Variants in NRXN2 observed in about 807,000 individuals in gnomAD.
NRXN2 encodes neurexin 2, also known as neurexin-2-beta.
NRXN2 carries 29 observed loss-of-function variants against 128.8 expected under a neutral mutation model. That is an observed-to-expected ratio of 0.23 (90% CI 0.17 to 0.31). The LOEUF is 0.31. NRXN2 is among the 10% of genes least tolerant of loss of function. The pLI is 1.00. For synonymous variants in NRXN2, 1,098 were observed against 1,075.2 expected (o/e 1.02, Z -0.41); for missense variants, 1,881 against 2,452.6 (o/e 0.77, Z 4.92).
chr11:64,713,115 C>A lies in NRXN2; in HGVS notation c.585G>T (p.Gln195His). ...GGTCGGCGGTGGCGCCGCGCAGGCC[C>A]TGGCTGCCCAGCAGCGCGGGGGGCC... Reference protein sequence around the residue: ...GERPPALLGSQGLRGATADPL... With the variant: ...GERPPALLGSHGLRGATADPL... The change falls in exon 2 of 23, where the codon CAG becomes CAT. Residue 195 changes from glutamine (Q) to histidine (H), a missense_variant. This residue lies in a region of NRXN2 where 997 missense variants were observed against 1,240.8 expected (regional missense o/e 0.80). Coordinates refer to ENST00000265459, the MANE Select transcript of NRXN2 (RefSeq NM_015080.4). 7.1e-7 allele frequency: 1 copy of A among 1,403,650 alleles called. No individual in the cohort carries two copies. Among genetic ancestry groups the A allele is most frequent in the South Asian group, 1.5e-5 (1 of 66,660 alleles). 86.9% of individuals were successfully genotyped at this position (1,403,650 alleles called of 1,614,324 possible).
In NRXN2 at chr11:64,661,010, G is replaced by A. The variant is rs1407275009; in HGVS notation, c.1928C>T (p.Pro643Leu). 3 of 1,613,568 alleles carry A rather than the reference G, an allele frequency of 1.9e-6. No individual in the cohort carries two copies. The highest frequency in any genetic ancestry group is 3.3e-5 in the Admixed American group (2 of 60,002). Residue 643 changes from proline to leucine, a missense_variant, in exon 10 of 23, where the codon CCA becomes CTA. By Grantham distance (98) the Pro-to-Leu change is moderately conservative. Around this residue, in one of 7 missense-constraint regions of NRXN2, gnomAD observed 997 missense variants for 1,240.8 expected, o/e 0.80. Coordinates refer to ENST00000265459, the MANE Select transcript of NRXN2 (RefSeq NM_015080.4). ...EGGRVDLPLP[P>L]EVWTAALRAG... ...CCGGAGTGCTGCTGTCCACACCTCT[G>A]GGGGCAGGGGCAGGTCCACCCGGCC...
At position 64,606,341 on chromosome 11, in the gene NRXN2, C is replaced by G. The variant is rs1408405929; in HGVS notation, c.*855G>C. The G allele has an allele frequency of 6.6e-6, 1 of 152,578 alleles. No individual in the cohort carries two copies. Among genetic ancestry groups the G allele is most frequent in the Non-Finnish European group, 1.5e-5 (1 of 68,066 alleles). 9.5% of individuals were successfully genotyped at this position (152,578 alleles called of 1,614,324 possible). A position where few individuals can be genotyped will look rare whatever the true frequency, so the allele number is the denominator to read the frequency against. The stretch of plus-strand genomic sequence containing the variant: ...CAGTCTGTGGACAATGCCTTGCTCC[C>G]TCTTCCCTGCTGCCCGCGCCCAGCG... On this transcript the variant is annotated 3_prime_UTR_variant, in exon 23 of 23. Transcript: ENST00000265459.
At position 64,622,196 on chromosome 11, in the gene NRXN2, C is replaced by T. The variant is rs1013098404; in HGVS notation, c.4173+557G>A. Among the ~76,000 whole-genome samples the T allele has an allele frequency of 4.6e-5, 7 of 152,192 alleles. No homozygotes were observed. Among genetic ancestry groups the T allele is most frequent in the Non-Finnish European group, 7.3e-5 (5 of 68,030 alleles). The stretch of plus-strand genomic sequence containing the variant: ...GCTTGTGAAGGCAATGGACTTGCAG[C>T]CAGGGCTTTCCCACTGCAGGGACCC... On this transcript the variant is annotated intron_variant, in intron 21 of 22. Transcript: ENST00000265459. This position sits in a 1 kb window ranked among gnomAD's most constrained non-coding sequence, Gnocchi z 4.3.
intron 5 of NRXN2, chr11:64,688,313 C>CAGAGACGCCA (rs2053349691): frequency 1.0e-6 from 1 of 985,276 alleles, no homozygotes; most frequent in Non-Finnish European, 1.2e-6. Context: ...TGGGTCAGCC[C>CAGAGACGCCA]AGAGACGCCA....
Position 64,648,427 on chromosome 11 carries a change from A to G in NRXN2, c.3284-89T>C, listed in dbSNP as rs191573758. 347 of 1,595,662 alleles carry G rather than the reference A, an allele frequency of 2.2e-4. 2 individuals carry two copies. The African/African-American group carries it at 4.4e-3, about 20-fold the overall frequency. The stretch of plus-strand genomic sequence containing the variant: ...GTGGAAGCTTCAGAGCCAGGCAGAG[A>G]GGTCCTACTCTGAGCTCTGCCTGGC... On this transcript the variant is annotated intron_variant, in intron 16 of 22. Transcript: ENST00000265459. The surrounding 1 kb of genome is among the most constrained non-coding windows in gnomAD (Gnocchi z 4.1).
At chr11:64,628,275 A>G (rs1371896905) in intron 19 of NRXN2, among the ~76,000 whole-genome samples, 1 of 152,198 alleles carries the variant, frequency 6.6e-6, no homozygotes, top group African/African-American at 2.4e-5. Context: ...GACTTGTCCA[A>G]GGTTACACGC....
At chr11:64,612,652 G>A (rs927144543) in intron 22 of NRXN2, among the ~76,000 whole-genome samples, 18 of 152,204 alleles carry the variant, frequency 1.2e-4, no homozygotes, top group Non-Finnish European at 4.4e-5. Context: ...GGGCACAGAA[G>A]GCCCCTGACT....
intron 17 of NRXN2, among the ~76,000 whole-genome samples, chr11:64,642,295 G>C (rs1011332088): frequency 1.3e-5 from 2 of 152,006 alleles, no homozygotes; most frequent in Non-Finnish European, 2.9e-5. Flanking sequence ...TTTAGGTGAG[G>C]CCAGGAAGCA....
At position 64,606,669 on chromosome 11, in the gene NRXN2, C is replaced by T. The variant is rs1323327733; in HGVS notation, c.*527G>A. 7.2e-6 allele frequency: 1 copy of T among 139,810 alleles called. No homozygotes were observed. The highest frequency in any genetic ancestry group is 1.5e-5 in the Non-Finnish European group (1 of 65,982). The allele number at this position is 139,810 out of a possible 1,614,324, so 8.7% of individuals were successfully genotyped here. On this transcript the variant is annotated 3_prime_UTR_variant, in exon 23 of 23. Transcript: ENST00000265459. ...CCTTCTCCCACCGACTCTGGAAACC[C>T]AAAGGGAGGAAAGGAAGGGAGAAAC...
At chr11:64,722,182 G>C (rs2057450436) in intron 1 of NRXN2, among the ~76,000 whole-genome samples, 1 of 151,930 alleles carries the variant, frequency 6.6e-6, no homozygotes, top group Non-Finnish European at 1.5e-5. Flanking sequence ...GGGCCCTGCA[G>C]CTTCCTCTCC....
rs1224161770 is a variant in NRXN2, at chr11:64,607,315, G to C, written c.5020C>G (p.Arg1674Gly). Residue 1674 changes from arginine to glycine, a missense_variant, in exon 23 of 23, where the codon CGA (arginine) becomes GGA (glycine). Physicochemically the swap from Arg to Gly is moderately radical, Grantham distance 125. Around this residue, in one of 7 missense-constraint regions of NRXN2, gnomAD observed 63 missense variants for 76.0 expected, o/e 0.83. Transcript: ENST00000265459. ...TGGGCCGAGTTACTGATGTAGTTTC[G>C]GCTCTGGTCCACCTGGTAGGAGCCC... Reference protein sequence around the residue: ...DEGSYQVDQSRNYISNSAQSN... With the variant: ...DEGSYQVDQSGNYISNSAQSN... 1 of 1,613,826 alleles carries C rather than the reference G, an allele frequency of 6.2e-7. No individual in the cohort carries two copies.
In NRXN2 at chr11:64,713,212, G is replaced by T; in HGVS notation, c.488C>A (p.Ala163Glu). 6.8e-7 allele frequency: 1 copy of T among 1,468,050 alleles called. No homozygotes were observed. Among genetic ancestry groups the T allele is most frequent in the Non-Finnish European group, 9.0e-7 (1 of 1,113,846 alleles). 90.9% of individuals were successfully genotyped at this position (1,468,050 alleles called of 1,614,324 possible). Residue 163 changes from alanine to glutamate, a missense_variant, in exon 2 of 23, where the codon GCG becomes GAG. By Grantham distance (107) the Ala-to-Glu change is moderately radical. Coordinates refer to ENST00000265459, the MANE Select transcript of NRXN2 (RefSeq NM_015080.4). ...GGIPPDVRLSALTLSTVKYEP... is the reference protein window; with the variant it reads ...GGIPPDVRLSELTLSTVKYEP... The stretch of plus-strand genomic sequence containing the variant: ...GTACTTGACGGTGCTCAGCGTAAGC[G>T]CCGAGAGGCGCACGTCGGGCGGGAT...
intron 22 of NRXN2, among the ~76,000 whole-genome samples, chr11:64,618,994 AT>A (rs1365688609): frequency 1.3e-5 from 2 of 152,068 alleles, no homozygotes; most frequent in Non-Finnish European, 2.9e-5. Flanking sequence ...AGGCCATGCT[AT>A]GGTCCTGCTC....
In NRXN2 at chr11:64,660,529, G is replaced by A. The variant is rs760841113; in HGVS notation, c.2192C>T (p.Thr731Met). 96 of 1,613,974 alleles carry A rather than the reference G, an allele frequency of 5.9e-5. No individual in the cohort carries two copies. The highest frequency in any genetic ancestry group is 2.0e-4 in the East Asian group (9 of 44,882). The change falls in exon 11 of 23, where the codon ACG (threonine) becomes ATG (methionine). Residue 731 changes from threonine to methionine, a missense_variant. Thr to Met is a moderately conservative substitution (Grantham distance 81). Transcript: ENST00000265459. The surrounding 1 kb of genome is among the most constrained non-coding windows in gnomAD (Gnocchi z 5.2). ...FLGRVCEREA[T>M]VLSYDGSMYM... The stretch of plus-strand genomic sequence containing the variant: ...CATGGAGCCATCGTAGCTCAGGACC[G>A]TGGCCTCTGCCCACAGGAGTTGGGG...
chr11:64,642,407 G>A (rs1228903421), intron 17 of NRXN2: 5 of 1,323,968 alleles, frequency 3.8e-6, no homozygotes, highest in Non-Finnish European at 5.0e-6. Context: ...AAGGGGCTCC[G>A]GGACGCAAAG....
intron 1 of NRXN2, among the ~76,000 whole-genome samples, chr11:64,717,741 C>T (rs935649814): frequency 9.2e-5 from 14 of 152,162 alleles, no homozygotes; most frequent in African/African-American, 2.9e-4. Flanking sequence ...GTCAATCCTT[C>T]GGCTTCTAGG....
intron 17 of NRXN2, among the ~76,000 whole-genome samples, chr11:64,638,293 G>A (rs1391735653): frequency 2.0e-5 from 3 of 152,356 alleles, no homozygotes; most frequent in Admixed American, 2.0e-4. Flanking sequence ...GGGACTGGGC[G>A]GAGAGACACT....
In NRXN2 at chr11:64,622,217, G is replaced by A. The variant is rs2042455052; in HGVS notation, c.4173+536C>T. Among the ~76,000 whole-genome samples, 1 of 152,160 alleles carries A rather than the reference G, an allele frequency of 6.6e-6. No individual in the cohort carries two copies. Among genetic ancestry groups the A allele is most frequent in the Non-Finnish European group, 1.5e-5 (1 of 68,026 alleles). On this transcript the variant is annotated intron_variant, in intron 21 of 22. Coordinates refer to ENST00000265459, the MANE Select transcript of NRXN2 (RefSeq NM_015080.4). The surrounding 1 kb of genome is among the most constrained non-coding windows in gnomAD (Gnocchi z 4.3). ...GCAGCCAGGGCTTTCCCACTGCAGGGACCCCAGCAAACAAGGAGAGGCTCC... is the reference window on the plus strand; with the variant it reads ...GCAGCCAGGGCTTTCCCACTGCAGGAACCCCAGCAAACAAGGAGAGGCTCC...
rs574944897 is a variant in NRXN2, at chr11:64,655,035, C to T, written c.2390-1313G>A. Among the ~76,000 whole-genome samples, 198 of 152,322 alleles carry T rather than the reference C, an allele frequency of 1.3e-3. 1 individual carries two copies. Among genetic ancestry groups the T allele is most frequent in the Non-Finnish European group, 2.5e-3 (173 of 68,026 alleles). ...GGCCCTCGATTGACAGGCCCAATACCCTGGCCTCCTGTCGCTCCACCCCAA... is the reference window on the plus strand; with the variant it reads ...GGCCCTCGATTGACAGGCCCAATACTCTGGCCTCCTGTCGCTCCACCCCAA... On this transcript the variant is annotated intron_variant, in intron 11 of 22. Coordinates refer to ENST00000265459, the MANE Select transcript of NRXN2 (RefSeq NM_015080.4).
Sources: allele counts gnomAD v4.1 joint callset (sites outside exome capture counted in the v4.1 genomes callset), GRCh38; gene constraint gnomAD v4.1.1; regional missense constraint gnomAD v4.1.1; non-coding constraint Gnocchi (gnomAD v3.1); transcripts MANE v1.5; gene names NCBI Gene and HGNC (gene_info 2026-07-23, HGNC 2026-07-21).